Variants in NRG2 observed in about 807,000 individuals in gnomAD.
NRG2 encodes the protein neuregulin 2, also known as pro-neuregulin-2, membrane-bound isoform.
In NRG2, 27 loss-of-function variants were observed where a neutral mutation model predicts 73.9. That is an observed-to-expected ratio of 0.37 (90% CI 0.27 to 0.50). The LOEUF (loss-of-function observed/expected upper bound fraction) is 0.50. NRG2 is among the 20% of genes least tolerant of loss of function. The probability of loss-of-function intolerance (pLI) is 0.96; values close to 1 mark genes in which losing one functional copy is unlikely to be tolerated. For missense variants in NRG2, 1,126 were observed against 1,210.1 expected (o/e 0.93, Z 1.03); for synonymous variants, 532 against 541.0 (o/e 0.98, Z 0.23).
At chr5:139,867,762 C>CTCTGTGTG (rs1554101254) in intron 4 of NRG2, among the ~76,000 whole-genome samples, 3 of 128,772 alleles carry the variant, frequency 2.3e-5, no homozygotes, top group African/African-American at 8.9e-5. Flanking sequence ...GAAGGGAAAC[C>CTCTGTGTG]TGTGTGTGTG....
At chr5:139,927,256 T>G (rs1752126265) in intron 1 of NRG2, among the ~76,000 whole-genome samples, 1 of 152,166 alleles carries the variant, frequency 6.6e-6, no homozygotes, top group South Asian at 2.1e-4. Context: ...TGTGTGCAAG[T>G]GGGAGTAGCA....
intron 1 of NRG2, among the ~76,000 whole-genome samples, chr5:139,939,237 TTCCTTC>T (rs1561694611): frequency 1.4e-5 from 2 of 143,244 alleles, no homozygotes; most frequent in African/African-American, 2.9e-5. Context: ...CCTTCCTTCC[TTCCTTC>T]CTTTCTTTCT....
intron 1 of NRG2, among the ~76,000 whole-genome samples, chr5:139,921,996 A>G (rs1029822555): frequency 1.3e-5 from 2 of 151,140 alleles, no homozygotes; most frequent in African/African-American, 2.4e-5. Flanking sequence ...ATTTGAGCCC[A>G]GAAGGTTGAG....
intron 1 of NRG2, among the ~76,000 whole-genome samples, chr5:139,944,853 C>A (rs1753688863): frequency 6.6e-6 from 1 of 152,226 alleles, no homozygotes; most frequent in African/African-American, 2.4e-5. Flanking sequence ...AGTGGCTGTA[C>A]TAGTTTGCAT....
intron 2 of NRG2, among the ~76,000 whole-genome samples, chr5:139,883,423 T>TGG (rs3836890): frequency 3.3e-5 from 5 of 151,250 alleles, no homozygotes; most frequent in South Asian, 4.2e-4. Context: ...GCCCAGGATT[T>TGG]GGGGGGGCAG....
At chr5:139,885,181 A>C (rs1468490198) in intron 2 of NRG2, among the ~76,000 whole-genome samples, 3 of 152,192 alleles carry the variant, frequency 2.0e-5, no homozygotes, top group Non-Finnish European at 4.4e-5. Context: ...TCAGATTCTT[A>C]AAGCAACAGG....
intron 1 of NRG2, among the ~76,000 whole-genome samples, chr5:139,942,919 C>A (rs1753510056): frequency 6.6e-6 from 1 of 152,216 alleles, no homozygotes; most frequent in Non-Finnish European, 1.5e-5. Context: ...CGGCTTACTG[C>A]AACCTCCACC....
intron 1 of NRG2, among the ~76,000 whole-genome samples, chr5:140,011,086 G>A (rs747780271): frequency 6.6e-6 from 1 of 152,156 alleles, no homozygotes; most frequent in Non-Finnish European, 1.5e-5. Context: ...AAGCCTTCAG[G>A]TGATCTTATC....
rs1215714937 is a variant in NRG2, at chr5:140,033,962, C to CA, written c.700+8407_700+8408insT. On this transcript the variant is annotated intron_variant, in intron 1 of 9. Coordinates refer to ENST00000361474, the MANE Select transcript of NRG2 (RefSeq NM_004883.3). ...GCTGGAAAATGCAAAAGACGGTTTCCTTTTTTTTTTTTTTGACATGGAGTC... is the reference window on the plus strand; with the variant it reads ...GCTGGAAAATGCAAAAGACGGTTTCCATTTTTTTTTTTTTTGACATGGAGTC... 1.2e-4 allele frequency among the ~76,000 whole-genome samples: 17 copies of CA among 143,232 alleles called. No individual in the cohort carries two copies. The East Asian group carries it at 3.0e-3, about 25-fold the overall frequency. The allele number at this position is 143,232 out of a possible 152,430, so 94.0% of individuals were successfully genotyped here.
chr5:139,939,252 CTTTCTTTCTT>C (rs1217997163), intron 1 of NRG2, among the ~76,000 whole-genome samples: 2 of 148,460 alleles, frequency 1.3e-5, no homozygotes, highest in African/African-American at 5.0e-5. Context: ...TCCTTTCTTT[CTTTCTTTCTT>C]TTTCTTTCTT....
chr5:139,851,408 T>C lies in NRG2; in HGVS notation c.1772+196A>G, dbSNP rs1219126109. On this transcript the variant is annotated intron_variant, in intron 9 of 9. Coordinates refer to ENST00000361474, the MANE Select transcript of NRG2 (RefSeq NM_004883.3). The surrounding 1 kb of genome is among the most constrained non-coding windows in gnomAD (Gnocchi z 4.2). ...GTCCACCAGGGTCCACTGGCCCAACTCTAGTCCCAGTCTGTCATTAACATG... is the reference window on the plus strand; with the variant it reads ...GTCCACCAGGGTCCACTGGCCCAACCCTAGTCCCAGTCTGTCATTAACATG... 6.6e-6 allele frequency among the ~76,000 whole-genome samples: 1 copy of C among 152,242 alleles called. No homozygotes were observed. Among genetic ancestry groups the C allele is most frequent in the Non-Finnish European group, 1.5e-5 (1 of 68,040 alleles).
intron 3 of NRG2, among the ~76,000 whole-genome samples, chr5:139,877,322 T>C (rs1260263095): frequency 6.6e-6 from 1 of 152,244 alleles, no homozygotes; most frequent in African/African-American, 2.4e-5. Context: ...GGGCTCCACC[T>C]GAACAGAGCA....
chr5:139,970,149 G>A (rs1755861987), intron 1 of NRG2, among the ~76,000 whole-genome samples: 1 of 152,130 alleles, frequency 6.6e-6, no homozygotes, highest in Admixed American at 6.5e-5. Context: ...ATTACAAGAA[G>A]GCCTAAGATA....
At chr5:139,881,997 A>G (rs1225066997) in intron 2 of NRG2, among the ~76,000 whole-genome samples, 1 of 152,210 alleles carries the variant, frequency 6.6e-6, no homozygotes, top group Non-Finnish European at 1.5e-5. Flanking sequence ...AGCTCTGGAT[A>G]AAGCCTGGGA....
chr5:140,018,604 A>T (rs930564284), intron 1 of NRG2, among the ~76,000 whole-genome samples: 1 of 152,186 alleles, frequency 6.6e-6, no homozygotes, highest in African/African-American at 2.4e-5. Flanking sequence ...TGACTCTAGG[A>T]TGAGAATTCA....
intron 3 of NRG2, among the ~76,000 whole-genome samples, chr5:139,873,874 A>C (rs1763011911): frequency 6.6e-6 from 1 of 152,240 alleles, no homozygotes; most frequent in Non-Finnish European, 1.5e-5. Flanking sequence ...GAGGCTAAGG[A>C]CAACTCCTGA....
At chr5:139,850,571 A>G (rs537102552) in intron 9 of NRG2, among the ~76,000 whole-genome samples, 1 of 152,264 alleles carries the variant, frequency 6.6e-6, no homozygotes, top group South Asian at 2.1e-4. Flanking sequence ...GAGCAAGGGA[A>G]TATCTGCTCC....
At chr5:139,943,497 T>G (rs761473558) in intron 1 of NRG2, among the ~76,000 whole-genome samples, 9 of 152,202 alleles carry the variant, frequency 5.9e-5, no homozygotes, top group Non-Finnish European at 1.3e-4. Context: ...ATCTTTGATT[T>G]TAAATTTTCT....
chr5:139,876,605 G>GT (rs1280055378), intron 3 of NRG2, among the ~76,000 whole-genome samples: 1 of 152,104 alleles, frequency 6.6e-6, no homozygotes, highest in Non-Finnish European at 1.5e-5. Flanking sequence ...CAGTGGCGGG[G>GT]TGGGAGCCGC....
Sources: gnomAD v4.1 joint callset for allele counts (sites outside exome capture counted in the v4.1 genomes callset) on GRCh38, gnomAD v4.1.1 for gene constraint, Gnocchi (gnomAD v3.1) non-coding constraint, MANE v1.5 for transcripts, NCBI Gene and HGNC (gene_info 2026-07-23, HGNC 2026-07-21) for gene names.